Variants in PARD3B observed in about 807,000 individuals in gnomAD.
The protein encoded by PARD3B is par-3 family cell polarity regulator beta.
In PARD3B, 103 loss-of-function variants were observed where a neutral mutation model predicts 130.2. The observed-to-expected ratio is 0.79, with a 90% confidence interval of 0.67 to 0.93. The LOEUF (loss-of-function observed/expected upper bound fraction) is 0.93. PARD3B is among the 40% of genes least tolerant of loss of function. PARD3B has a pLI of 0.00. For synonymous variants in PARD3B, 583 were observed against 553.2 expected, an observed-to-expected ratio of 1.05 and a Z score of -0.76; for missense variants, 1,609 against 1,499.2, an observed-to-expected ratio of 1.07 and a Z score of -1.21.
At chr2:205,439,795 G>A (rs1281425432) in intron 19 of PARD3B, among the ~76,000 whole-genome samples, 1 of 152,076 alleles carries the variant, frequency 6.6e-6, no homozygotes, top group African/African-American at 2.4e-5. Flanking sequence ...ATCCCCATTT[G>A]TATAACCAAA....
chr2:205,569,418 T>C (rs1338731411), intron 22 of PARD3B, among the ~76,000 whole-genome samples: 1 of 152,242 alleles, frequency 6.6e-6, no homozygotes, highest in Non-Finnish European at 1.5e-5. Flanking sequence ...AGGTTATCTC[T>C]CATTATGAAA....
In PARD3B at chr2:205,458,727, C is replaced by T. The variant is rs1032735530; in HGVS notation, c.3044+18055C>T. Among the ~76,000 whole-genome samples the T allele has an allele frequency of 1.3e-5, 2 of 152,132 alleles. No homozygotes were observed. Among genetic ancestry groups the T allele is most frequent in the Non-Finnish European group, 2.9e-5 (2 of 68,020 alleles). On this transcript the variant is annotated intron_variant, in intron 20 of 22. Coordinates refer to ENST00000406610, the MANE Select transcript of PARD3B (RefSeq NM_001302769.2). The surrounding 1 kb of genome is among the most constrained non-coding windows in gnomAD (Gnocchi z 4.8). ...GTTCATATTGTTTGATTTTCTTCTT[C>T]ACTTTAGTCATTTGGTCTTATCTCC...
Position 204,664,307 on chromosome 2 carries a change from T to C in PARD3B, c.121-21874T>C, listed in dbSNP as rs2035936209. Reference sequence around the variant, plus strand: ...TCTCAGATACTAGTCTTTTTTGTTTTTCAAGTAATGGAGAAACCATATATT... The same window carrying C: ...TCTCAGATACTAGTCTTTTTTGTTTCTCAAGTAATGGAGAAACCATATATT... On this transcript the variant is annotated intron_variant, in intron 1 of 22. Transcript: ENST00000406610. The surrounding 1 kb of genome is among the most constrained non-coding windows in gnomAD (Gnocchi z 5.2). Among the ~76,000 whole-genome samples the C allele has an allele frequency of 6.6e-6, 1 of 152,226 alleles. No individual in the cohort carries two copies. The highest frequency in any genetic ancestry group is 2.4e-5 in the African/African-American group (1 of 41,462).
intron 1 of PARD3B, among the ~76,000 whole-genome samples, chr2:204,656,053 CA>C (rs751131961): frequency 7.0e-4 from 107 of 151,896 alleles, no homozygotes; most frequent in Non-Finnish European, 1.3e-3. Flanking sequence ...AAGAAGCAAG[CA>C]GAAGTGCTCA....
At chr2:205,024,801 A>T (rs935253936) in intron 3 of PARD3B, among the ~76,000 whole-genome samples, 4 of 152,244 alleles carry the variant, frequency 2.6e-5, no homozygotes, top group Non-Finnish European at 4.4e-5. Context: ...ATAGGTAAGC[A>T]CTATAACTAA....
In PARD3B at chr2:204,623,836, CA is replaced by C. The variant is rs1395470799; in HGVS notation, c.121-62344del. On this transcript the variant is annotated intron_variant, in intron 1 of 22. Coordinates refer to ENST00000406610, the MANE Select transcript of PARD3B (RefSeq NM_001302769.2). This position sits in a 1 kb window ranked among gnomAD's most constrained non-coding sequence, Gnocchi z 4.5. ...TTTCTCCCTGTCCCCAACTAACAGCCACCATTATACTCTGTGCTTCTATGTG... is the reference window on the plus strand; with the variant it reads ...TTTCTCCCTGTCCCCAACTAACAGCCCCATTATACTCTGTGCTTCTATGTG... 1.3e-5 allele frequency among the ~76,000 whole-genome samples: 2 copies of C among 152,108 alleles called. No individual in the cohort carries two copies. Among genetic ancestry groups the C allele is most frequent in the Non-Finnish European group, 2.9e-5 (2 of 68,018 alleles).
At chr2:205,002,309 C>T (rs1694911330) in intron 3 of PARD3B, among the ~76,000 whole-genome samples, 1 of 152,222 alleles carries the variant, frequency 6.6e-6, no homozygotes. Flanking sequence ...CATTCTGGCT[C>T]TGACATTTCA....
chr2:204,731,658 T>C (rs538496645), intron 2 of PARD3B, among the ~76,000 whole-genome samples: 1 of 152,182 alleles, frequency 6.6e-6, no homozygotes, highest in Admixed American at 6.5e-5. Context: ...ACACCTGAAT[T>C]GACTGAAGCC....
chr2:205,248,601 CTTTTTT>C (rs762295338), intron 16 of PARD3B, among the ~76,000 whole-genome samples: 1 of 84,654 alleles, frequency 1.2e-5, no homozygotes, highest in African/African-American at 4.8e-5. Context: ...TCTCACCATT[CTTTTTT>C]TTTTTTTTTT....
At chr2:204,727,587 C>T (rs2039292907) in intron 2 of PARD3B, among the ~76,000 whole-genome samples, 1 of 152,126 alleles carries the variant, frequency 6.6e-6, no homozygotes, top group South Asian at 2.1e-4. Context: ...TCCTGGCAGG[C>T]TGGAAAGGGT....
chr2:205,600,206 A>G (rs2054730290), intron 22 of PARD3B, among the ~76,000 whole-genome samples: 1 of 152,212 alleles, frequency 6.6e-6, no homozygotes, highest in South Asian at 2.1e-4. Context: ...CTAAGAGAAT[A>G]TTTGCTAGAA....
chr2:205,044,786 T>C (rs1423459967), intron 3 of PARD3B, among the ~76,000 whole-genome samples: 1 of 152,196 alleles, frequency 6.6e-6, no homozygotes, highest in Non-Finnish European at 1.5e-5. Context: ...TCTTTTGCTG[T>C]GCAGAAGCTC....
At chr2:204,582,958 G>A (rs900729148) in intron 1 of PARD3B, among the ~76,000 whole-genome samples, 16 of 151,996 alleles carry the variant, frequency 1.1e-4, no homozygotes, top group African/African-American at 2.2e-4. Context: ...CATGTCCTTC[G>A]CCCACTTTTT....
At chr2:204,885,095 A>G (rs1279082471) in intron 2 of PARD3B, among the ~76,000 whole-genome samples, 1 of 152,186 alleles carries the variant, frequency 6.6e-6, no homozygotes, top group African/African-American at 2.4e-5. Context: ...ACTCCCATCA[A>G]TGGCGTAAAA....
intron 1 of PARD3B, among the ~76,000 whole-genome samples, chr2:204,580,599 G>A (rs574533661): frequency 1.3e-5 from 2 of 152,312 alleles, no homozygotes; most frequent in South Asian, 2.1e-4. Context: ...GGGCGAGGGA[G>A]CATTTTCTTA....
chr2:205,569,685 C>G lies in PARD3B; in HGVS notation c.3260+16282C>G, dbSNP rs928307676. Among the ~76,000 whole-genome samples, 8 of 152,300 alleles carry G rather than the reference C, an allele frequency of 5.3e-5. No individual in the cohort carries two copies. The East Asian group carries it at 1.4e-3, about 26-fold the overall frequency. On this transcript the variant is annotated intron_variant, in intron 22 of 22. Transcript: ENST00000406610. ...AACCAGAATCAATTTACATCTTGCTCTCACTGATATTATGCCCTATGTCAG... is the reference window on the plus strand; with the variant it reads ...AACCAGAATCAATTTACATCTTGCTGTCACTGATATTATGCCCTATGTCAG...
rs1354701997 is a variant in PARD3B, at chr2:205,292,672, G to A, written c.2186-7858G>A. 6.6e-6 allele frequency among the ~76,000 whole-genome samples: 1 copy of A among 152,134 alleles called. No homozygotes were observed. The highest frequency in any genetic ancestry group is 6.5e-5 in the Admixed American group (1 of 15,274). ...AGGTAAGTGAAATTGCTCTCATTAA[G>A]TTATTTTATCCTGCCCATCCTCCCA... On this transcript the variant is annotated intron_variant, in intron 16 of 22. Transcript: ENST00000406610. The surrounding 1 kb of genome is among the most constrained non-coding windows in gnomAD (Gnocchi z 5.3).
At chr2:205,431,363 C>T (rs1037365559) in intron 19 of PARD3B, among the ~76,000 whole-genome samples, 1 of 152,160 alleles carries the variant, frequency 6.6e-6, no homozygotes, top group Admixed American at 6.5e-5. Flanking sequence ...AGGCATGAGC[C>T]ACCATGCCCA....
intron 3 of PARD3B, among the ~76,000 whole-genome samples, chr2:204,999,609 C>T (rs1325989061): frequency 5.3e-5 from 8 of 152,218 alleles, no homozygotes; most frequent in Non-Finnish European, 1.2e-4. Context: ...TCCAGAGCCA[C>T]AATCCCACTG....
Sources: allele counts gnomAD v4.1 joint callset (sites outside exome capture counted in the v4.1 genomes callset), GRCh38; gene constraint gnomAD v4.1.1; non-coding constraint Gnocchi (gnomAD v3.1); transcripts MANE v1.5; gene names NCBI Gene and HGNC (gene_info 2026-07-23, HGNC 2026-07-21).